NRXN1: variants seen among roughly 807,000 people sequenced by gnomAD.
NRXN1 encodes the protein neurexin 1.
In NRXN1, 39 loss-of-function variants were observed where a neutral mutation model predicts 150.9. That is an observed-to-expected ratio of 0.26 (90% CI 0.20 to 0.34). The LOEUF (loss-of-function observed/expected upper bound fraction) is 0.34. Among genes scored for constraint, NRXN1 ranks in the 10% least tolerant of loss-of-function variants. NRXN1 has a pLI of 1.00. For missense variants in NRXN1, 1,815 were observed against 1,949.9 expected, an observed-to-expected ratio of 0.93 and a Z score of 1.30; for synonymous variants, 924 against 757.0, an observed-to-expected ratio of 1.22 and a Z score of -3.62.
intron 17 of NRXN1, among the ~76,000 whole-genome samples, chr2:50,358,035 G>C (rs1054848113): frequency 1.3e-5 from 2 of 152,070 alleles, no homozygotes; most frequent in Non-Finnish European, 2.9e-5. Context: ...CATGAGGGAT[G>C]GTGCTATCCA....
At chr2:50,017,603 A>G (rs1194525930) in intron 21 of NRXN1, among the ~76,000 whole-genome samples, 1 of 152,198 alleles carries the variant, frequency 6.6e-6, no homozygotes, top group African/African-American at 2.4e-5. Context: ...GCTTACTTAA[A>G]AAGAAGTTTT....
At chr2:50,172,088 A>C (rs2060065268) in intron 18 of NRXN1, among the ~76,000 whole-genome samples, 1 of 152,146 alleles carries the variant, frequency 6.6e-6, no homozygotes, top group Non-Finnish European at 1.5e-5. Context: ...CAGGCTCCTA[A>C]AAAAAACCTT....
At position 49,921,800 on chromosome 2, in the gene NRXN1, T is replaced by C. The variant is rs1186765787; in HGVS notation, c.*144A>G. ...CAAGAGCATGAGATACTTGTTTTTA[T>C]TTTTTAAAAAGTCTTTCCTTCCTGA... On this transcript the variant is annotated 3_prime_UTR_variant, in exon 23 of 23. Transcript: ENST00000401669. 7 of 875,164 alleles carry C rather than the reference T, an allele frequency of 8.0e-6. No homozygotes were observed. In the African/African-American group the frequency reaches 1.2e-4, roughly 15 times the overall value. 54.2% of individuals were successfully genotyped at this position (875,164 alleles called of 1,614,324 possible). A position where few individuals can be genotyped will look rare whatever the true frequency, so the allele number is the denominator to read the frequency against.
chr2:50,022,824 C>A (rs1687768421), intron 21 of NRXN1: 1 of 152,298 alleles, frequency 6.6e-6, no homozygotes, highest in African/African-American at 2.4e-5. Flanking sequence ...CAAGACACAA[C>A]AATGTTAGAC....
chr2:50,916,096 T>C (rs968292867), intron 5 of NRXN1, among the ~76,000 whole-genome samples: 2 of 148,290 alleles, frequency 1.3e-5, no homozygotes, highest in African/African-American at 2.5e-5. Flanking sequence ...ACTAAATTTA[T>C]TGACTAAGAA....
At chr2:50,132,127 G>C (rs1362506353) in intron 18 of NRXN1, among the ~76,000 whole-genome samples, 2 of 152,112 alleles carry the variant, frequency 1.3e-5, no homozygotes, top group East Asian at 3.9e-4. Context: ...CTCTGGCAAA[G>C]TGTGCTAATT....
intron 18 of NRXN1, among the ~76,000 whole-genome samples, chr2:50,160,635 C>T (rs545985684): frequency 1.3e-5 from 2 of 152,010 alleles, no homozygotes; most frequent in African/African-American, 4.8e-5. Context: ...GGTAAACACA[C>T]CTAAATATAC....
At chr2:50,616,267 G>A (rs534949949) in intron 8 of NRXN1, 2 of 152,190 alleles carry the variant, frequency 1.3e-5, no homozygotes, top group African/African-American at 2.4e-5. Flanking sequence ...TGAAGTTCAG[G>A]TTAGGTTTTA....
At chr2:50,638,090 G>A (rs191277286) in intron 5 of NRXN1, among the ~76,000 whole-genome samples, 4 of 152,026 alleles carry the variant, frequency 2.6e-5, no homozygotes, top group East Asian at 2.0e-4. Context: ...TAACATTTAC[G>A]AGACTTTCTC....
intron 8 of NRXN1, among the ~76,000 whole-genome samples, chr2:50,567,127 A>T (rs1669996062): frequency 6.6e-6 from 1 of 152,076 alleles, no homozygotes; most frequent in South Asian, 2.1e-4. Flanking sequence ...TGCTCACTTC[A>T]CTCTTAGGAC....
intron 8 of NRXN1, among the ~76,000 whole-genome samples, chr2:50,588,010 T>TC (rs1673455842): frequency 6.6e-6 from 1 of 152,206 alleles, no homozygotes; most frequent in Non-Finnish European, 1.5e-5. Context: ...TTCTAGGCAC[T>TC]CAATAAGACT....
chr2:50,283,262 C>A (rs1251104123), intron 17 of NRXN1, among the ~76,000 whole-genome samples: 3 of 152,132 alleles, frequency 2.0e-5, no homozygotes, highest in Non-Finnish European at 4.4e-5. Flanking sequence ...TTATTAGCCT[C>A]CAACTTTTTA....
intron 17 of NRXN1, among the ~76,000 whole-genome samples, chr2:50,373,494 A>G (rs1209502367): frequency 6.6e-6 from 1 of 150,634 alleles, no homozygotes; most frequent in Non-Finnish European, 1.5e-5. Context: ...CAAGAGTGAC[A>G]AAAATTCAAA....
At chr2:50,819,315 T>C (rs1217068967) in intron 5 of NRXN1, among the ~76,000 whole-genome samples, 1 of 152,178 alleles carries the variant, frequency 6.6e-6, no homozygotes, top group Middle Eastern at 3.2e-3. Flanking sequence ...AAAGAAAATG[T>C]GGTATGTACA....
chr2:50,477,964 T>C (rs892953785), intron 15 of NRXN1, among the ~76,000 whole-genome samples: 6 of 152,170 alleles, frequency 3.9e-5, no homozygotes, highest in Non-Finnish European at 7.3e-5. Flanking sequence ...CAAGCTTGGG[T>C]AGTTTCTGAG....
At chr2:50,425,041 G>A (rs1324991515) in intron 17 of NRXN1, among the ~76,000 whole-genome samples, 2 of 152,262 alleles carry the variant, frequency 1.3e-5, no homozygotes, top group South Asian at 2.1e-4. Flanking sequence ...ATTGTGTGCA[G>A]TGAAACAGGT....
At chr2:50,629,025 T>C (rs183133134) in intron 5 of NRXN1, among the ~76,000 whole-genome samples, 24 of 151,908 alleles carry the variant, frequency 1.6e-4, no homozygotes, top group Admixed American at 1.4e-3. Flanking sequence ...AGAACTCTCA[T>C]ACATTATTGG....
At chr2:50,280,936 T>C (rs745957225) in intron 17 of NRXN1, among the ~76,000 whole-genome samples, 1 of 152,030 alleles carries the variant, frequency 6.6e-6, no homozygotes, top group Non-Finnish European at 1.5e-5. Flanking sequence ...TTCAAAAGGG[T>C]GAAAAAATAT....
chr2:50,635,299 A>C (rs1173913282), intron 5 of NRXN1, among the ~76,000 whole-genome samples: 1 of 149,632 alleles, frequency 6.7e-6, no homozygotes, highest in Admixed American at 6.7e-5. Flanking sequence ...CTGGGATTAC[A>C]GGTGCCCGCC....
Sources: gnomAD v4.1 joint callset for allele counts (sites outside exome capture counted in the v4.1 genomes callset) on GRCh38, gnomAD v4.1.1 for gene constraint, MANE v1.5 for transcripts, NCBI Gene and HGNC (gene_info 2026-07-23, HGNC 2026-07-21) for gene names.